Variants in LAPTM4B observed in about 807,000 individuals in gnomAD.
The protein encoded by LAPTM4B is lysosomal protein transmembrane 4 beta, also known as lysosomal-associated transmembrane protein 4B.
A neutral mutation model predicts 28.5 loss-of-function variants in LAPTM4B; 26 were observed. That is an observed-to-expected ratio of 0.91 (90% confidence interval 0.67 to 1.27). The LOEUF (loss-of-function observed/expected upper bound fraction) is 1.27, where lower values mean the gene tolerates loss of function less well. Among genes scored for constraint, LAPTM4B ranks in the 50% most tolerant of loss-of-function variants. LAPTM4B has a pLI of 0.00. For synonymous variants in LAPTM4B, 109 were observed against 106.4 expected (o/e 1.02, Z -0.15); for missense variants, 288 against 285.8 (o/e 1.01, Z -0.06).
intron 6 of LAPTM4B, among the ~76,000 whole-genome samples, chr8:97,849,810 CCCTGCCCG>C (rs376821609): frequency 1.5e-3 from 227 of 152,046 alleles, no homozygotes; most frequent in African/African-American, 5.0e-3. Flanking sequence ...TCCTCCACCC[CCCTGCCCG>C]CCTGCCCGCC....
intron 1 of LAPTM4B, among the ~76,000 whole-genome samples, chr8:97,777,698 T>C (rs779069141): frequency 2.0e-5 from 3 of 152,236 alleles, no homozygotes; most frequent in Non-Finnish European, 4.4e-5. Flanking sequence ...CAAACAGATA[T>C]TTAGCGTGTG....
intron 1 of LAPTM4B, among the ~76,000 whole-genome samples, chr8:97,783,356 A>G (rs1175446314): frequency 6.6e-6 from 1 of 152,128 alleles, no homozygotes; most frequent in Non-Finnish European, 1.5e-5. Context: ...ACTTGTTCAC[A>G]TAGAAACTCA....
intron 4 of LAPTM4B, among the ~76,000 whole-genome samples, chr8:97,817,174 C>A (rs1028345950): frequency 1.3e-4 from 19 of 151,922 alleles, no homozygotes; most frequent in African/African-American, 4.6e-4. Context: ...CTCTGTCACC[C>A]AGGCTGGAGT....
At chr8:97,818,528 GTTGT>G (rs1002979289) in intron 4 of LAPTM4B, among the ~76,000 whole-genome samples, 2 of 152,172 alleles carry the variant, frequency 1.3e-5, no homozygotes, top group Non-Finnish European at 2.9e-5. Context: ...CTTTGACCTG[GTTGT>G]TAAGCATTGT....
At chr8:97,794,672 A>G (rs1397913470) in intron 1 of LAPTM4B, among the ~76,000 whole-genome samples, 1 of 152,202 alleles carries the variant, frequency 6.6e-6, no homozygotes, top group Non-Finnish European at 1.5e-5. Flanking sequence ...TTGAGTCCAA[A>G]TGAGAGGCAT....
intron 1 of LAPTM4B, among the ~76,000 whole-genome samples, chr8:97,784,423 T>C (rs1363535141): frequency 6.6e-6 from 1 of 152,124 alleles, no homozygotes; most frequent in Non-Finnish European, 1.5e-5. Context: ...AAAGCAGTTT[T>C]TTTTGGTTGT....
At chr8:97,851,270 C>T in intron 6 of LAPTM4B, 127 bp from the exon 7 acceptor site, 2 of 763,692 alleles carry the variant, frequency 2.6e-6, no homozygotes, top group Non-Finnish European at 4.6e-6. Flanking sequence ...TATCCACTTG[C>T]TAGAAAATTG....
At chr8:97,819,280 G>A (rs762163312) in intron 5 of LAPTM4B, 42 bp downstream of exon 5, 1 of 1,226,136 alleles carries the variant, frequency 8.2e-7, no homozygotes, top group Non-Finnish European at 1.2e-6. Flanking sequence ...AATATTAAGT[G>A]TATTCCTGAA....
intron 1 of LAPTM4B, among the ~76,000 whole-genome samples, chr8:97,793,599 T>G (rs958520402): frequency 2.0e-5 from 3 of 152,228 alleles, no homozygotes; most frequent in Non-Finnish European, 4.4e-5. Flanking sequence ...TTTGTAGGAT[T>G]TGACACTTCA....
At chr8:97,792,661 C>A (rs1042739385) in intron 1 of LAPTM4B, among the ~76,000 whole-genome samples, 1 of 152,242 alleles carries the variant, frequency 6.6e-6, no homozygotes, top group South Asian at 2.1e-4. Flanking sequence ...CTCACTGCAA[C>A]CTCTGCCTCC....
At chr8:97,835,844 G>C (rs888293306) in intron 6 of LAPTM4B, among the ~76,000 whole-genome samples, 3 of 151,890 alleles carry the variant, frequency 2.0e-5, no homozygotes, top group Non-Finnish European at 4.4e-5. Context: ...TGTAGATCAG[G>C]GGTCCCCAAG....
At chr8:97,804,593 T>C (rs1327981927) in intron 1 of LAPTM4B, among the ~76,000 whole-genome samples, 4 of 152,234 alleles carry the variant, frequency 2.6e-5, no homozygotes, top group African/African-American at 9.6e-5. Flanking sequence ...CGTTAGGTTA[T>C]TGCAGGGCTT....
In LAPTM4B at chr8:97,775,926, C is replaced by T. The variant is rs760702744; in HGVS notation, c.-84C>T. 2 of 1,186,132 alleles carry T rather than the reference C, an allele frequency of 1.7e-6. No homozygotes were observed. The highest frequency in any genetic ancestry group is 1.7e-5 in the South Asian group (1 of 60,054). The allele number at this position is 1,186,132 out of a possible 1,614,324, so 73.5% of individuals were successfully genotyped here. On this transcript the variant is annotated 5_prime_UTR_variant, in exon 1 of 7. Transcript: ENST00000521545. ...GGAGCCGGAGCGGCGGAGGAGCCGGCAGCAGCGGCGCGGCGGGCTCCAGGC... is the reference window on the plus strand; with the variant it reads ...GGAGCCGGAGCGGCGGAGGAGCCGGTAGCAGCGGCGCGGCGGGCTCCAGGC...
At chr8:97,781,138 T>C (rs1816303467) in intron 1 of LAPTM4B, among the ~76,000 whole-genome samples, 1 of 150,554 alleles carries the variant, frequency 6.6e-6, no homozygotes, top group Non-Finnish European at 1.5e-5. Context: ...ACAGGTGAGC[T>C]CCGGGCTAAT....
rs767286504 is a variant in LAPTM4B, at chr8:97,776,023, C to T, written c.14C>T (p.Ala5Val). MKMV[A>V]PWTRFYSNSC... Reference sequence around the variant, plus strand: ...GCGCCCGGAGCGATGAAGATGGTCGCGCCCTGGACGCGGTTCTACTCCAAC... The same window carrying T: ...GCGCCCGGAGCGATGAAGATGGTCGTGCCCTGGACGCGGTTCTACTCCAAC... The change falls in exon 1 of 7, where the codon GCG becomes GTG. Residue 5 changes from alanine (A) to valine (V), a missense_variant. Ala to Val is a moderately conservative substitution (Grantham distance 64). Coordinates refer to ENST00000521545, the MANE Select transcript of LAPTM4B (RefSeq NM_018407.6). The T allele has an allele frequency of 1.8e-5, 28 of 1,579,604 alleles. No individual in the cohort carries two copies. The highest frequency in any genetic ancestry group is 2.4e-5 in the Non-Finnish European group (28 of 1,167,280).
At chr8:97,805,265 C>T (rs370811237) in intron 1 of LAPTM4B, 88 bp from the exon 2 acceptor site, 3 of 745,758 alleles carry the variant, frequency 4.0e-6, no homozygotes, top group Admixed American at 2.3e-5. Flanking sequence ...GCCAGCCTGA[C>T]TCCATGTGGT....
At chr8:97,850,283 A>G (rs1817502361) in intron 6 of LAPTM4B, among the ~76,000 whole-genome samples, 1 of 151,828 alleles carries the variant, frequency 6.6e-6, no homozygotes, top group Non-Finnish European at 1.5e-5. Context: ...CAGCTGAAGG[A>G]ACCATACAGG....
At chr8:97,841,220 C>T (rs971227192) in intron 6 of LAPTM4B, among the ~76,000 whole-genome samples, 3 of 71,428 alleles carry the variant, frequency 4.2e-5, no homozygotes, top group Admixed American at 1.3e-4. Flanking sequence ...TTAAGATGTA[C>T]GAAAATGTAT....
chr8:97,793,325 G>A (rs1586322929), intron 1 of LAPTM4B, among the ~76,000 whole-genome samples: 2 of 151,918 alleles, frequency 1.3e-5, no homozygotes, highest in South Asian at 2.1e-4. Flanking sequence ...CACAGGGACC[G>A]TGTCTTTTTT....
Sources: allele counts gnomAD v4.1 joint callset (sites outside exome capture counted in the v4.1 genomes callset), GRCh38; gene constraint gnomAD v4.1.1; transcripts MANE v1.5; gene names NCBI Gene and HGNC (gene_info 2026-07-23, HGNC 2026-07-21).